Variants in TBC1D1 observed in about 807,000 individuals in gnomAD.
The protein encoded by TBC1D1 is TBC1 (tre-2/USP6, BUB2, cdc16) domain family, member 1.
TBC1D1 carries 89 observed loss-of-function variants against 125.6 expected under a neutral mutation model. The observed-to-expected ratio is 0.71, with a 90% CI of 0.60 to 0.85. TBC1D1 has a LOEUF of 0.85. TBC1D1 is among the 40% of genes least tolerant of loss of function. The pLI is 0.00. For synonymous variants in TBC1D1, 565 were observed against 564.1 expected (o/e 1.00, Z -0.02); for missense variants, 1,377 against 1,469.2 (o/e 0.94, Z 1.03).
At chr4:38,135,872 ATGTG>A (rs386399821) in intron 19 of TBC1D1, among the ~76,000 whole-genome samples, 2 of 129,318 alleles carry the variant, frequency 1.5e-5, no homozygotes, top group African/African-American at 2.6e-5. Flanking sequence ...GTGTATATAT[ATGTG>A]TGTGTGTGTG....
At position 38,135,852 on chromosome 4, in the gene TBC1D1, A is replaced by ATG. The variant is rs1258485847; in HGVS notation, c.3307-1282_3307-1281insGT. ...TGTTTGAAAAATGAAAAATATATAT[A>ATG]TATGTGTGTGTGTATATATATGTGT... On this transcript the variant is annotated intron_variant, in intron 19 of 19. Transcript: ENST00000261439. Among the ~76,000 whole-genome samples the ATG allele has an allele frequency of 7.5e-3, 827 of 111,004 alleles. 7 individuals carry two copies. Among genetic ancestry groups the ATG allele is most frequent in the African/African-American group, 0.025 (785 of 30,944 alleles). The allele number at this position is 111,004 out of a possible 152,430, so 72.8% of individuals were successfully genotyped here.
chr4:37,972,833 C>T (rs908950888), intron 2 of TBC1D1, among the ~76,000 whole-genome samples: 61 of 145,200 alleles, frequency 4.2e-4, no homozygotes, highest in African/African-American at 1.1e-3. Flanking sequence ...ACCTGGGAGG[C>T]GGAGGTTGCA....
intron 2 of TBC1D1, among the ~76,000 whole-genome samples, chr4:38,009,191 C>T (rs1288244467): frequency 6.6e-6 from 1 of 152,150 alleles, no homozygotes; most frequent in African/African-American, 2.4e-5. Context: ...AAACAAGCCA[C>T]AAATCTGTTC....
intron 2 of TBC1D1, among the ~76,000 whole-genome samples, chr4:37,989,186 A>G (rs1405990999): frequency 2.0e-5 from 3 of 152,198 alleles, no homozygotes; most frequent in Non-Finnish European, 4.4e-5. Context: ...AGATCTCTGA[A>G]GCCTGCTACC....
intron 12 of TBC1D1, among the ~76,000 whole-genome samples, chr4:38,055,589 G>T (rs951034655): frequency 6.6e-6 from 1 of 152,130 alleles, no homozygotes; most frequent in African/African-American, 2.4e-5. Flanking sequence ...CTTTCTATGT[G>T]GGGGCACCAT....
rs1250473198 is a variant in TBC1D1, at chr4:37,925,637, C to T, written c.417+23125C>T. On this transcript the variant is annotated intron_variant, in intron 2 of 19. Coordinates refer to ENST00000261439, the MANE Select transcript of TBC1D1 (RefSeq NM_015173.4). ...AGCGGAGGTTGCAGTGAGCTAAGAT[C>T]GCGCCACTGCATTCCAGCCTGGTGA... Among the ~76,000 whole-genome samples, 5 of 146,162 alleles carry T rather than the reference C, an allele frequency of 3.4e-5. No individual in the cohort carries two copies. The East Asian group carries it at 6.0e-4, about 18-fold the overall frequency.
chr4:38,130,295 T>C (rs1303482425), intron 18 of TBC1D1, among the ~76,000 whole-genome samples: 1 of 152,206 alleles, frequency 6.6e-6, no homozygotes, highest in Non-Finnish European at 1.5e-5. Flanking sequence ...TTTTAGGAAA[T>C]AGGAAATATA....
intron 15 of TBC1D1, among the ~76,000 whole-genome samples, chr4:38,107,577 GTTTTT>G (rs3038351): frequency 5.6e-5 from 3 of 53,104 alleles, no homozygotes; most frequent in Non-Finnish European, 9.4e-5. Flanking sequence ...GTCTAAACAG[GTTTTT>G]TTTTTTTTTT....
At chr4:38,103,178 G>A in intron 15 of TBC1D1, 21 bp downstream of exon 17, 1 of 1,591,390 alleles carries the variant, frequency 6.3e-7, no homozygotes, top group Non-Finnish European at 8.5e-7. Flanking sequence ...GCCATCGATT[G>A]GAGATGACAA....
chr4:38,055,943 G>A (rs545473814), intron 12 of TBC1D1, among the ~76,000 whole-genome samples: 2 of 152,214 alleles, frequency 1.3e-5, no homozygotes, highest in African/African-American at 4.8e-5. Context: ...TTAATAAAGA[G>A]TGCCTCGGTG....
intron 12 of TBC1D1, chr4:38,060,726 T>G (rs1752602929): frequency 9.8e-7 from 1 of 1,022,544 alleles, no homozygotes; most frequent in Non-Finnish European, 1.3e-6. Context: ...TAAGAGGCTT[T>G]CTTCAGATCA....
chr4:37,968,639 A>T (rs1207928490), intron 2 of TBC1D1, among the ~76,000 whole-genome samples: 1 of 152,198 alleles, frequency 6.6e-6, no homozygotes, highest in Non-Finnish European at 1.5e-5. Flanking sequence ...TCTTTCCTTC[A>T]TGAACCAATT....
chr4:38,065,881 C>T (rs1037891218), intron 12 of TBC1D1, among the ~76,000 whole-genome samples: 9 of 152,088 alleles, frequency 5.9e-5, no homozygotes, highest in Non-Finnish European at 1.2e-4. Flanking sequence ...AACTCCTGAC[C>T]TCAGGTGATC....
At chr4:37,989,705 A>G (rs1347525218) in intron 2 of TBC1D1, among the ~76,000 whole-genome samples, 5 of 152,234 alleles carry the variant, frequency 3.3e-5, no homozygotes, top group South Asian at 2.1e-4. Flanking sequence ...AGTAACTTAG[A>G]TCAGTTAAGG....
At chr4:38,054,048 C>A in intron 11 of TBC1D1, 151 bp from the exon 14 acceptor site, 1 of 799,604 alleles carries the variant, frequency 1.3e-6, no homozygotes, top group Admixed American at 2.3e-5. Context: ...GAATGATGAC[C>A]CACTGTGAGC....
At chr4:37,925,468 A>G (rs1721878647) in intron 2 of TBC1D1, among the ~76,000 whole-genome samples, 1 of 152,214 alleles carries the variant, frequency 6.6e-6, no homozygotes, top group African/African-American at 2.4e-5. Flanking sequence ...CTGTAATCCC[A>G]GCACTTCGGG....
In TBC1D1 at chr4:38,115,718, T is replaced by G; in HGVS notation, c.2566T>G (p.Phe856Val). Residue 856 changes from phenylalanine (F) to valine (V), a missense_variant, in exon 16 of 20, where the codon TTT becomes GTT. Physicochemically the swap from Phe to Val is conservative, Grantham distance 50. This residue lies in a region of TBC1D1 where 543 missense variants were observed against 613.5 expected (regional missense o/e 0.89). Coordinates refer to ENST00000261439, the MANE Select transcript of TBC1D1 (RefSeq NM_015173.4). ...ATGTATTCTTTTCACAGGGCGAACC[T>G]TTCCTACACACCCATACTTCTCTGC... is the stretch of plus-strand genomic sequence containing the variant. 1 of 1,613,726 alleles carries G rather than the reference T, an allele frequency of 6.2e-7. No homozygotes were observed. Among genetic ancestry groups the G allele is most frequent in the Non-Finnish European group, 8.5e-7 (1 of 1,179,732 alleles).
intron 13 of TBC1D1, among the ~76,000 whole-genome samples, chr4:38,092,028 A>G (rs1560773078): frequency 6.6e-6 from 1 of 152,294 alleles, no homozygotes; most frequent in South Asian, 2.1e-4. Flanking sequence ...GTATTAATCC[A>G]TTGTATTAGT....
At chr4:37,970,441 G>A (rs576402614) in intron 2 of TBC1D1, among the ~76,000 whole-genome samples, 3 of 152,244 alleles carry the variant, frequency 2.0e-5, no homozygotes, top group Admixed American at 6.5e-5. Flanking sequence ...TCCAGAGAAC[G>A]TTAATCTTCT....
Sources: gnomAD v4.1 joint callset for allele counts (sites outside exome capture counted in the v4.1 genomes callset) on GRCh38, gnomAD v4.1.1 for gene constraint, gnomAD v4.1.1 regional missense constraint, MANE v1.5 for transcripts, NCBI Gene and HGNC (gene_info 2026-07-23, HGNC 2026-07-21) for gene names.